Variants in CCDC38 observed in about 807,000 individuals in gnomAD.
CCDC38 encodes coiled-coil domain containing 38.
A neutral mutation model predicts 72.8 loss-of-function variants in CCDC38; 69 were observed. The ratio of observed to expected loss-of-function variants is 0.95; its 90% CI spans 0.78 to 1.16. The LOEUF is 1.16. Ranked by LOEUF, CCDC38 falls within the 50% of genes most tolerant of loss-of-function variation. CCDC38 has a pLI of 0.00. For missense variants in CCDC38, 626 were observed against 638.9 expected, an observed-to-expected ratio of 0.98 and a Z score of 0.22; for synonymous variants, 201 against 213.2, an observed-to-expected ratio of 0.94 and a Z score of 0.50.
At position 95,870,889 on chromosome 12, in the gene CCDC38, A is replaced by T. The variant is rs1007027071; in HGVS notation, c.1485-1316T>A. Among the ~76,000 whole-genome samples, 8 of 152,372 alleles carry T rather than the reference A, an allele frequency of 5.3e-5. No homozygotes were observed. The South Asian group carries it at 1.4e-3, about 28-fold the overall frequency. On this transcript the variant is annotated intron_variant, in intron 14 of 15. Transcript: ENST00000344280. ...CTTACTATGCGCCAAGCATGCTCTC[A>T]TAATTTACTTGGATCATCTAATTTA...
At chr12:95,914,401 AT>A (rs1335743108) in intron 4 of CCDC38, among the ~76,000 whole-genome samples, 7 of 152,192 alleles carry the variant, frequency 4.6e-5, no homozygotes, top group African/African-American at 1.7e-4. Context: ...GAGCCATATA[AT>A]GTTCCCTGTG....
intron 2 of CCDC38, among the ~76,000 whole-genome samples, chr12:95,931,147 T>C (rs1269108615): frequency 1.3e-5 from 2 of 152,216 alleles, no homozygotes; most frequent in Non-Finnish European, 2.9e-5. Flanking sequence ...AGGATGTTGA[T>C]AGAGCTGTGT....
chr12:95,898,423 CTCTGCTGT>C lies in CCDC38; in HGVS notation c.568_575del (p.Thr190AlafsTer14). ...GTACCTCCATGCTTGCTTTCTTCAG[CTCTGCTGT>C]CATTTGGAGTTTGTTTATTGTTTCC... On this transcript the variant is annotated frameshift_variant, in exon 7 of 16. Transcript: ENST00000344280. LOFTEE classifies it high-confidence loss of function. 6.2e-7 allele frequency: 1 copy of C among 1,614,208 alleles called. No individual in the cohort carries two copies. The highest frequency in any genetic ancestry group is 1.7e-5 in the Admixed American group (1 of 60,030).
intron 2 of CCDC38, among the ~76,000 whole-genome samples, chr12:95,925,474 A>T (rs904423029): frequency 3.0e-4 from 46 of 151,724 alleles, no homozygotes; most frequent in Non-Finnish European, 5.6e-4. Flanking sequence ...TATACAATCA[A>T]GTCATCTGCA....
At chr12:95,914,451 A>G (rs1253273434) in intron 4 of CCDC38, among the ~76,000 whole-genome samples, 1 of 152,158 alleles carries the variant, frequency 6.6e-6, no homozygotes. Context: ...CATTTTACCA[A>G]TCTTGTCTCA....
At chr12:95,867,897 C>T (rs2079540107) in intron 15 of CCDC38, among the ~76,000 whole-genome samples, 1 of 152,128 alleles carries the variant, frequency 6.6e-6, no homozygotes, top group African/African-American at 2.4e-5. Context: ...CCACTGTGTT[C>T]AAAAGGCACT....
At position 95,872,440 on chromosome 12, in the gene CCDC38, AAGTG is replaced by A. The variant is rs1354516562; in HGVS notation, c.1295_1298del (p.Ser432LeufsTer28). 2 of 1,613,352 alleles carry A rather than the reference AAGTG, an allele frequency of 1.2e-6. No individual in the cohort carries two copies. Among genetic ancestry groups the A allele is most frequent in the Non-Finnish European group, 1.7e-6 (2 of 1,179,252 alleles). On this transcript the variant is annotated frameshift_variant, in exon 14 of 16. Transcript: ENST00000344280. LOFTEE classifies it high-confidence loss of function. ...TGTATACTTGAGTAATCTTTTTACT[AAGTG>A]AGTCTATCAGTATTTCCTGAGATTG...
chr12:95,886,695 C>A (rs1183582241), intron 10 of CCDC38, among the ~76,000 whole-genome samples: 1 of 152,130 alleles, frequency 6.6e-6, no homozygotes, highest in Admixed American at 6.5e-5. Context: ...AAGATGCAAA[C>A]AAGCACACGA....
intron 2 of CCDC38, 50 bp from the exon 3 acceptor site, chr12:95,919,026 C>A (rs977497334): frequency 2.6e-5 from 31 of 1,170,034 alleles, no homozygotes; most frequent in Non-Finnish European, 3.3e-5. Flanking sequence ...CCTTCCTCTG[C>A]TGACCAGAAT....
In CCDC38 at chr12:95,881,536, A is replaced by G. The variant is rs372588284; in HGVS notation, c.939T>C (p.Gly313=). 5 of 1,609,356 alleles carry G rather than the reference A, an allele frequency of 3.1e-6. No homozygotes were observed. The highest frequency in any genetic ancestry group is 4.2e-6 in the Non-Finnish European group (5 of 1,177,846). ...KKKSNLAESF[G]SEDSLEFLLD... ...AAAGGAATTCCAAACTGTCTTCTGA[A>G]CCGAAACTTTCAGCCAGGCTGTAAA... Residue 313 remains glycine (G), a synonymous_variant, in exon 11 of 16, where the codon GGT becomes GGC. Transcript: ENST00000344280.
chr12:95,909,888 G>A (rs926649491), intron 4 of CCDC38, among the ~76,000 whole-genome samples: 37 of 152,152 alleles, frequency 2.4e-4, no homozygotes, highest in African/African-American at 7.2e-4. Flanking sequence ...ACTAGGCATC[G>A]AAGGAACATA....
Position 95,894,980 on chromosome 12 carries a change from G to A in CCDC38, c.772+9C>T. 6.3e-7 allele frequency: 1 copy of A among 1,599,856 alleles called. No individual in the cohort carries two copies. Among genetic ancestry groups the A allele is most frequent in the Non-Finnish European group, 8.5e-7 (1 of 1,173,598 alleles). ...TTTAGTTCATGAAAGTTGAGTATAA[G>A]TAACTTACTTGCTAATATTTTTGGA... On this transcript the variant is annotated intron_variant, in intron 8 of 15. Coordinates refer to ENST00000344280, the MANE Select transcript of CCDC38 (RefSeq NM_182496.3).
At chr12:95,927,362 C>A (rs984760971) in intron 2 of CCDC38, among the ~76,000 whole-genome samples, 1 of 150,458 alleles carries the variant, frequency 6.6e-6, no homozygotes, top group Non-Finnish European at 1.5e-5. Flanking sequence ...GATTGCAACC[C>A]CTGCCTTTTT....
chr12:95,929,360 C>T (rs1266481798), intron 2 of CCDC38, among the ~76,000 whole-genome samples: 2 of 152,316 alleles, frequency 1.3e-5, no homozygotes, highest in East Asian at 1.9e-4. Context: ...TGACCCCTTG[C>T]ACTTCCCGAG....
chr12:95,929,295 C>T (rs150707907), intron 2 of CCDC38, among the ~76,000 whole-genome samples: 13,460 of 152,128 alleles, frequency 0.088, 1,146 homozygotes, highest in East Asian at 0.46. Context: ...GGGAGTGACC[C>T]GATTTTCGAG....
Position 95,905,732 on chromosome 12 carries a change from G to A in CCDC38, c.369+655C>T, listed in dbSNP as rs143013150. The stretch of plus-strand genomic sequence containing the variant: ...TAAAAATGTTCAATTCATTCATTTT[G>A]TAATTATTTTCCCATTAAGTGCTTG... On this transcript the variant is annotated intron_variant, in intron 5 of 15. Coordinates refer to ENST00000344280, the MANE Select transcript of CCDC38 (RefSeq NM_182496.3). 3.5e-3 allele frequency among the ~76,000 whole-genome samples: 538 copies of A among 152,270 alleles called. 2 individuals are homozygous for A. The highest frequency in any genetic ancestry group is 0.012 in the South Asian group (60 of 4,826).
intron 5 of CCDC38, among the ~76,000 whole-genome samples, chr12:95,902,998 G>A (rs2079965596): frequency 1.3e-5 from 2 of 151,940 alleles, no homozygotes; most frequent in Non-Finnish European, 2.9e-5. Context: ...GAAAGATTTG[G>A]CATCTCAGCA....
intron 5 of CCDC38, among the ~76,000 whole-genome samples, chr12:95,900,690 A>G (rs940858521): frequency 6.6e-6 from 1 of 152,218 alleles, no homozygotes; most frequent in African/African-American, 2.4e-5. Flanking sequence ...TGGCAAAAAT[A>G]CATATGTTGC....
intron 4 of CCDC38, among the ~76,000 whole-genome samples, chr12:95,909,153 G>A (rs945450743): frequency 6.6e-6 from 1 of 152,002 alleles, no homozygotes; most frequent in Non-Finnish European, 1.5e-5. Context: ...CAGACCACTA[G>A]CTAGATTAAC....
Sources: gnomAD v4.1 joint callset for allele counts (sites outside exome capture counted in the v4.1 genomes callset) on GRCh38, gnomAD v4.1.1 for gene constraint, MANE v1.5 for transcripts, NCBI Gene and HGNC (gene_info 2026-07-23, HGNC 2026-07-21) for gene names.